MACROD2: variants seen among roughly 807,000 people sequenced by gnomAD.
MACROD2 encodes ADP-ribose glycohydrolase MACROD2.
A neutral mutation model predicts 70.4 loss-of-function variants in MACROD2; 36 were observed. That is an observed-to-expected ratio of 0.51 (90% CI 0.39 to 0.68). MACROD2 has a LOEUF of 0.68. MACROD2 is among the 30% of genes least tolerant of loss of function. The pLI is 0.00. For missense variants in MACROD2, 496 were observed against 538.4 expected (o/e 0.92, Z 0.78); for synonymous variants, 172 against 178.8 (o/e 0.96, Z 0.30).
chr20:15,568,277 G>T (rs1245173536), intron 8 of MACROD2, among the ~76,000 whole-genome samples: 2 of 152,188 alleles, frequency 1.3e-5, no homozygotes, highest in African/African-American at 4.8e-5. Flanking sequence ...GATTGCTGGG[G>T]TCCAGGCCTT....
intron 4 of MACROD2, among the ~76,000 whole-genome samples, chr20:14,541,782 A>G (rs1004662701): frequency 6.6e-6 from 1 of 152,196 alleles, no homozygotes; most frequent in African/African-American, 2.4e-5. Flanking sequence ...CTGTTATAAT[A>G]GCATATGGTA....
At chr20:15,789,301 C>A (rs1475227175) in intron 8 of MACROD2, among the ~76,000 whole-genome samples, 12 of 152,160 alleles carry the variant, frequency 7.9e-5, no homozygotes, top group Admixed American at 5.2e-4. Context: ...GGATTGCGTT[C>A]AGAGTCAGTG....
chr20:15,247,310 G>A (rs2077114748), intron 6 of MACROD2, among the ~76,000 whole-genome samples: 1 of 152,148 alleles, frequency 6.6e-6, no homozygotes, highest in African/African-American at 2.4e-5. Context: ...AGGAATCCAT[G>A]CCATTGCATG....
intron 3 of MACROD2, among the ~76,000 whole-genome samples, chr20:14,422,726 A>G (rs976436750): frequency 6.6e-6 from 1 of 152,200 alleles, no homozygotes; most frequent in Non-Finnish European, 1.5e-5. Flanking sequence ...TGTCTACCCA[A>G]TGACATAGGT....
intron 4 of MACROD2, among the ~76,000 whole-genome samples, chr20:14,545,106 TG>T (rs1464038942): frequency 3.3e-5 from 5 of 152,274 alleles, no homozygotes; most frequent in African/African-American, 1.2e-4. Context: ...AGAGATGAAA[TG>T]TAAGTGTAGC....
At chr20:15,074,343 G>A (rs35161475) in intron 5 of MACROD2, among the ~76,000 whole-genome samples, 26,652 of 152,196 alleles carry the variant, frequency 0.18, 2,794 homozygotes, top group East Asian at 0.35. Flanking sequence ...ATAAAAACCT[G>A]AAAAGACTGG....
At chr20:14,709,058 C>T (rs2071305429) in intron 5 of MACROD2, among the ~76,000 whole-genome samples, 1 of 152,094 alleles carries the variant, frequency 6.6e-6, no homozygotes, top group African/African-American at 2.4e-5. Flanking sequence ...AAGAGTTCAG[C>T]TTTAAATACT....
chr20:14,296,457 A>G (rs1358696626), intron 3 of MACROD2, among the ~76,000 whole-genome samples: 5 of 152,014 alleles, frequency 3.3e-5, no homozygotes, highest in Non-Finnish European at 5.9e-5. Context: ...ATGGAACAGT[A>G]CACAGCAGTG....
intron 5 of MACROD2, among the ~76,000 whole-genome samples, chr20:15,090,589 A>AAG (rs1640424457): frequency 6.6e-6 from 1 of 152,102 alleles, no homozygotes; most frequent in Non-Finnish European, 1.5e-5. Flanking sequence ...GGGGAAGAAG[A>AAG]AGAGAGGTAG....
At chr20:15,223,889 C>T (rs1298667151) in intron 5 of MACROD2, among the ~76,000 whole-genome samples, 2 of 152,176 alleles carry the variant, frequency 1.3e-5, no homozygotes, top group Admixed American at 1.3e-4. Context: ...GGTAGTGATG[C>T]TGTGTGACTC....
intron 5 of MACROD2, among the ~76,000 whole-genome samples, chr20:15,169,815 C>A (rs1305547020): frequency 2.6e-5 from 4 of 151,946 alleles, no homozygotes; most frequent in Non-Finnish European, 5.9e-5. Flanking sequence ...CCCTCAGAGA[C>A]AATTCTGGTC....
chr20:15,804,327 T>A (rs1241336667), intron 8 of MACROD2, among the ~76,000 whole-genome samples: 1 of 152,234 alleles, frequency 6.6e-6, no homozygotes, highest in Non-Finnish European at 1.5e-5. Context: ...GAAATCCTTA[T>A]GCTTGCCTCA....
intron 6 of MACROD2, among the ~76,000 whole-genome samples, chr20:15,352,223 C>A (rs1028476452): frequency 5.3e-5 from 8 of 152,138 alleles, no homozygotes; most frequent in African/African-American, 1.9e-4. Context: ...ACAGGACTTG[C>A]AAGACCCATT....
intron 10 of MACROD2, among the ~76,000 whole-genome samples, chr20:15,926,524 A>T (rs1257097016): frequency 2.0e-5 from 3 of 152,232 alleles, no homozygotes; most frequent in Non-Finnish European, 4.4e-5. Flanking sequence ...TTAGAAGATG[A>T]TGGACAATTG....
intron 15 of MACROD2, among the ~76,000 whole-genome samples, chr20:15,987,797 T>C (rs1462017593): frequency 1.3e-5 from 2 of 152,188 alleles, no homozygotes; most frequent in Non-Finnish European, 2.9e-5. Context: ...AAAAAAACTA[T>C]TCTGGTTAAT....
At chr20:15,828,361 T>C (rs1189731355) in intron 8 of MACROD2, among the ~76,000 whole-genome samples, 1 of 152,148 alleles carries the variant, frequency 6.6e-6, no homozygotes, top group African/African-American at 2.4e-5. Flanking sequence ...TATATGAAAG[T>C]AGAAAAAAGT....
chr20:15,723,656 T>C (rs961976344), intron 8 of MACROD2, among the ~76,000 whole-genome samples: 1 of 152,214 alleles, frequency 6.6e-6, no homozygotes, highest in African/African-American at 2.4e-5. Context: ...ATTTCTTTGT[T>C]TGCATGTACC....
intron 9 of MACROD2, among the ~76,000 whole-genome samples, chr20:15,879,031 A>G (rs1348679675): frequency 6.6e-6 from 1 of 152,142 alleles, no homozygotes; most frequent in East Asian, 1.9e-4. Flanking sequence ...GTCCCGTAAG[A>G]TTAAATGGAG....
intron 8 of MACROD2, among the ~76,000 whole-genome samples, chr20:15,553,840 G>A (rs2048130135): frequency 6.6e-6 from 1 of 152,212 alleles, no homozygotes; most frequent in African/African-American, 2.4e-5. Context: ...AAAGCAGATA[G>A]AGGCACGGAC....
Sources: allele counts gnomAD v4.1 joint callset (sites outside exome capture counted in the v4.1 genomes callset), GRCh38; gene constraint gnomAD v4.1.1; transcripts MANE v1.5; gene names NCBI Gene and HGNC (gene_info 2026-07-23, HGNC 2026-07-21).